The following ALPK2 variants were observed in gnomAD, a reference collection of about 807,000 sequenced individuals.
ALPK2 encodes alpha kinase 2.
In ALPK2, 127 loss-of-function variants were observed where a neutral mutation model predicts 163.1. That is an observed-to-expected ratio of 0.78 (90% confidence interval 0.67 to 0.90). The LOEUF (loss-of-function observed/expected upper bound fraction) is 0.90. ALPK2 is among the 40% of genes least tolerant of loss of function. The probability of loss-of-function intolerance (pLI) is 0.00; values close to 1 mark genes in which losing one functional copy is unlikely to be tolerated. For missense variants in ALPK2, 2,360 were observed against 2,589.6 expected (o/e 0.91, Z 1.92); for synonymous variants, 953 against 959.1 (o/e 0.99, Z 0.12).
At chr18:58,498,326 G>A (rs1021654634) in intron 11 of ALPK2, among the ~76,000 whole-genome samples, 5 of 152,262 alleles carry the variant, frequency 3.3e-5, no homozygotes, top group Non-Finnish European at 7.4e-5. Flanking sequence ...AAGCCCTCTC[G>A]GCTCTGGAAA....
chr18:58,537,888 C>G lies in ALPK2; in HGVS notation c.2299G>C (p.Asp767His). The change falls in exon 5 of 13, where the codon GAC (aspartate) becomes CAC (histidine). Residue 767 changes from aspartate to histidine, a missense_variant. Physicochemically the swap from Asp to His is moderately conservative, Grantham distance 81 (BLOSUM62 -1). Transcript: ENST00000361673. ...SRHLPKDARA[D>H]FREPVAVSVA... Reference sequence around the variant, plus strand: ...GAGACAGCCACAGGCTCCCTGAAGTCAGCACGAGCATCCTTGGGGAGATGC... The same window carrying G: ...GAGACAGCCACAGGCTCCCTGAAGTGAGCACGAGCATCCTTGGGGAGATGC... The G allele has an allele frequency of 6.2e-7, 1 of 1,614,206 alleles. No individual in the cohort carries two copies. The highest frequency in any genetic ancestry group is 1.7e-5 in the Admixed American group (1 of 60,020).
At chr18:58,533,170 C>G (rs1240155157) in intron 5 of ALPK2, among the ~76,000 whole-genome samples, 2 of 152,214 alleles carry the variant, frequency 1.3e-5, no homozygotes, top group Non-Finnish European at 2.9e-5. Context: ...GTCTTTGCAG[C>G]CTTTAGTGCA....
rs138348646 is a variant in ALPK2, at chr18:58,606,173, G to A, written c.227+1149C>T. On this transcript the variant is annotated intron_variant, in intron 3 of 12. Coordinates refer to ENST00000361673, the MANE Select transcript of ALPK2 (RefSeq NM_052947.4). ...AGCTCACTACAGCCTCAAACTCCTG[G>A]GCTCAAGCAATTCTTCCACCCTGGC... is the stretch of plus-strand genomic sequence containing the variant. Among the ~76,000 whole-genome samples the A allele has an allele frequency of 3.4e-3, 520 of 152,206 alleles. 2 individuals carry two copies. Among genetic ancestry groups the A allele is most frequent in the African/African-American group, 0.012 (491 of 41,512 alleles).
chr18:58,605,702 C>A (rs1006959195), intron 3 of ALPK2, among the ~76,000 whole-genome samples: 2 of 152,150 alleles, frequency 1.3e-5, no homozygotes, highest in African/African-American at 4.8e-5. Context: ...GGGATAAAGA[C>A]GAGGAAGGGG....
chr18:58,556,174 C>G (rs1316461159), intron 4 of ALPK2, among the ~76,000 whole-genome samples: 1 of 151,996 alleles, frequency 6.6e-6, no homozygotes, highest in Non-Finnish European at 1.5e-5. Flanking sequence ...AGATCTCACA[C>G]ACACACACAC....
intron 10 of ALPK2, among the ~76,000 whole-genome samples, chr18:58,505,355 G>A (rs778676716): frequency 1.4e-4 from 22 of 152,014 alleles, no homozygotes; most frequent in Non-Finnish European, 2.5e-4. Context: ...TCCTGTTTCA[G>A]TGTGCAGACT....
At chr18:58,575,039 C>T (rs1472479895) in intron 4 of ALPK2, among the ~76,000 whole-genome samples, 2 of 151,948 alleles carry the variant, frequency 1.3e-5, no homozygotes, top group Non-Finnish European at 2.9e-5. Flanking sequence ...CATGGAGAAA[C>T]CCCATGTCTA....
chr18:58,560,990 T>C (rs1471538419), intron 4 of ALPK2, among the ~76,000 whole-genome samples: 1 of 152,232 alleles, frequency 6.6e-6, no homozygotes, highest in East Asian at 1.9e-4. Flanking sequence ...GATTGAGATT[T>C]TTTTTATTAT....
At chr18:58,608,585 G>A (rs1175160352) in intron 2 of ALPK2, among the ~76,000 whole-genome samples, 1 of 152,192 alleles carries the variant, frequency 6.6e-6, no homozygotes, top group Non-Finnish European at 1.5e-5. Context: ...TCTTAGGAAC[G>A]TTCTTGTATT....
chr18:58,616,757 C>T (rs982990409), intron 1 of ALPK2, among the ~76,000 whole-genome samples: 5 of 152,192 alleles, frequency 3.3e-5, no homozygotes, highest in Non-Finnish European at 5.9e-5. Flanking sequence ...CTTAAAATAA[C>T]CTTTGTAATA....
At chr18:58,607,531 T>A in intron 2 of ALPK2, 92 bp from the exon 3 acceptor site, 1 of 747,882 alleles carries the variant, frequency 1.3e-6, no homozygotes, top group Non-Finnish European at 2.1e-6. Flanking sequence ...GGATGGACAG[T>A]AAGCAACAGG....
intron 4 of ALPK2, among the ~76,000 whole-genome samples, chr18:58,569,441 C>T (rs1242166064): frequency 2.6e-5 from 4 of 152,112 alleles, no homozygotes; most frequent in African/African-American, 7.2e-5. Context: ...GAGAAGGATC[C>T]TATACTCTGT....
chr18:58,481,850 A>G lies in ALPK2; in HGVS notation c.6486T>C (p.Pro2162=), dbSNP rs371027763. Reference sequence around the variant, plus strand: ...AGGTTTTCTTTTCGCCTGGGGTCTCAGGCCCTGCCTTCTTTATTGTCATAG... The same window carrying G: ...AGGTTTTCTTTTCGCCTGGGGTCTCGGGCCCTGCCTTCTTTATTGTCATAG... ...TNSMTIKKAG[P]ETPGEKKT is the part of the protein sequence containing the mutation. Residue 2162 remains proline, a synonymous_variant, in exon 13 of 13, where the codon CCT becomes CCC. Transcript: ENST00000361673. The G allele has an allele frequency of 6.8e-5, 109 of 1,614,040 alleles. No homozygotes were observed. The highest frequency in any genetic ancestry group is 9.2e-5 in the Non-Finnish European group (108 of 1,180,010).
chr18:58,554,796 T>C (rs569585329), intron 4 of ALPK2, among the ~76,000 whole-genome samples: 86 of 152,298 alleles, frequency 5.6e-4, no homozygotes, highest in Non-Finnish European at 7.1e-4. Context: ...CCAAATCTTA[T>C]CTTGAATTGT....
At chr18:58,524,586 G>A (rs965693348) in intron 6 of ALPK2, among the ~76,000 whole-genome samples, 4 of 152,090 alleles carry the variant, frequency 2.6e-5, no homozygotes, top group Non-Finnish European at 4.4e-5. Context: ...ATTAAGTTCC[G>A]GTCACTGTGC....
rs2051642295 is a variant in ALPK2, at chr18:58,535,792, A to G, written c.4395T>C (p.Asn1465=). Reference sequence around the variant, plus strand: ...TGCCTTCTTGGCTTCTGCTGATTCTATTTTCACTCAGAATGGTTCCCTGGA... The same window carrying G: ...TGCCTTCTTGGCTTCTGCTGATTCTGTTTTCACTCAGAATGGTTCCCTGGA... ...PCLQGTILSE[N]RISRSQEGSM... is the part of the protein sequence containing the mutation. Residue 1465 remains asparagine (N), a synonymous_variant, in exon 5 of 13, where the codon AAT becomes AAC. Transcript: ENST00000361673. 8 of 1,614,022 alleles carry G rather than the reference A, an allele frequency of 5.0e-6. No homozygotes were observed. The highest frequency in any genetic ancestry group is 1.7e-5 in the Admixed American group (1 of 60,012).
intron 1 of ALPK2, among the ~76,000 whole-genome samples, chr18:58,623,364 T>C (rs1203892968): frequency 6.6e-6 from 1 of 151,632 alleles, no homozygotes; most frequent in Non-Finnish European, 1.5e-5. Flanking sequence ...TGGTTCTTTA[T>C]CTAATCTTGT....
At position 58,578,742 on chromosome 18, in the gene ALPK2, A is replaced by ACGCGCGCACGCGCGCG. The variant is rs758855904; in HGVS notation, c.1962+71_1962+72insCGCGCGCGTGCGCGCG. On this transcript the variant is annotated intron_variant, in intron 4 of 12. Transcript: ENST00000361673. ...GTGAAGTAAAGGAAGAGACACACAC[A>ACGCGCGCACGCGCGCG]CACACACACACACACACACACACAC... 8.5e-4 allele frequency: 1,045 copies of ACGCGCGCACGCGCGCG among 1,228,772 alleles called. 8 individuals carry two copies. The highest frequency in any genetic ancestry group is 1.7e-3 in the Admixed American group (72 of 43,424). The allele number at this position is 1,228,772 out of a possible 1,614,324, so 76.1% of individuals were successfully genotyped here.
rs1434801056 is a variant in ALPK2, at chr18:58,529,078, A to T, written c.5501+13T>A. 4.3e-6 allele frequency: 7 copies of T among 1,613,902 alleles called. No homozygotes were observed. The highest frequency in any genetic ancestry group is 2.2e-5 in the East Asian group (1 of 44,882). On this transcript the variant is annotated intron_variant, in intron 6 of 12. Coordinates refer to ENST00000361673, the MANE Select transcript of ALPK2 (RefSeq NM_052947.4). ...CAACAACTGTGAAAAGTAACCAGGGAAAAACATCGCACCTTCTCTGCACTT... is the reference window on the plus strand; with the variant it reads ...CAACAACTGTGAAAAGTAACCAGGGTAAAACATCGCACCTTCTCTGCACTT...
Sources: gnomAD v4.1 joint callset for allele counts (sites outside exome capture counted in the v4.1 genomes callset) on GRCh38, gnomAD v4.1.1 for gene constraint, MANE v1.5 for transcripts, NCBI Gene and HGNC (gene_info 2026-07-23, HGNC 2026-07-21) for gene names.